Variants in NBEA observed in about 807,000 individuals in gnomAD.
NBEA encodes the protein neurobeachin.
NBEA carries 44 observed loss-of-function variants against 343.4 expected under a neutral mutation model. The observed-to-expected ratio is 0.13, with a 90% CI of 0.10 to 0.16. NBEA has a LOEUF of 0.16. Among genes scored for constraint, NBEA ranks in the 10% least tolerant of loss-of-function variants. The pLI, the probability that NBEA is intolerant of heterozygous loss-of-function variation, is 1.00. For missense variants in NBEA, 2,555 were observed against 3,631.3 expected (o/e 0.70, Z 7.62); for synonymous variants, 1,175 against 1,238.7 (o/e 0.95, Z 1.08).
At chr13:35,195,694 G>A (rs545741547) in intron 30 of NBEA, among the ~76,000 whole-genome samples, 170 bp from the exon 31 acceptor site, 116 of 152,238 alleles carry the variant, frequency 7.6e-4, no homozygotes, top group Non-Finnish European at 1.4e-3. Context: ...ATCATGTCTG[G>A]CTGGATGATA....
At chr13:35,665,745 C>T (rs568474165) in intron 56 of NBEA, among the ~76,000 whole-genome samples, 2 of 152,208 alleles carry the variant, frequency 1.3e-5, no homozygotes, top group African/African-American at 4.8e-5. Flanking sequence ...TCCTGCCTCA[C>T]CCTCCCTAGT....
chr13:35,175,095 A>G (rs1034951215), intron 27 of NBEA, among the ~76,000 whole-genome samples: 2 of 152,054 alleles, frequency 1.3e-5, no homozygotes, highest in Non-Finnish European at 2.9e-5. Flanking sequence ...CGGCCACTTC[A>G]GAGTATTTAT....
chr13:35,089,773 A>G (rs2064978106), intron 10 of NBEA, among the ~76,000 whole-genome samples: 1 of 149,768 alleles, frequency 6.7e-6, no homozygotes, highest in Non-Finnish European at 1.5e-5. Flanking sequence ...ACATGGATGA[A>G]ATTGGAGATC....
At chr13:35,179,531 TA>T (rs948824540) in intron 28 of NBEA, among the ~76,000 whole-genome samples, 19 of 148,530 alleles carry the variant, frequency 1.3e-4, no homozygotes, top group African/African-American at 3.9e-4. Context: ...AGATCTGGGT[TA>T]AAAAAAAATA....
intron 44 of NBEA, among the ~76,000 whole-genome samples, chr13:35,561,724 A>G (rs2079866118): frequency 6.6e-6 from 1 of 152,140 alleles, no homozygotes; most frequent in South Asian, 2.1e-4. Context: ...CAGACTTTTT[A>G]CACCCTCCTG....
At chr13:35,014,555 C>T (rs1461970615) in intron 1 of NBEA, among the ~76,000 whole-genome samples, 1 of 152,182 alleles carries the variant, frequency 6.6e-6, no homozygotes, top group East Asian at 1.9e-4. Context: ...ATGTACCTAG[C>T]TCACTAAACT....
chr13:35,179,566 G>A (rs1175103388), intron 28 of NBEA, among the ~76,000 whole-genome samples: 1 of 151,110 alleles, frequency 6.6e-6, no homozygotes, highest in Non-Finnish European at 1.5e-5. Flanking sequence ...AAAAAAAAAA[G>A]CTAACTCTTT....
intron 38 of NBEA, among the ~76,000 whole-genome samples, chr13:35,360,492 A>G (rs1422961525): frequency 6.6e-6 from 1 of 152,056 alleles, no homozygotes; most frequent in Non-Finnish European, 1.5e-5. Context: ...TATACAAAGG[A>G]AAATCTCACC....
At chr13:35,590,530 T>C (rs931000732) in intron 46 of NBEA, among the ~76,000 whole-genome samples, 9 of 152,136 alleles carry the variant, frequency 5.9e-5, no homozygotes, top group African/African-American at 2.2e-4. Flanking sequence ...ACTAAGCCCA[T>C]CTGTGCTATT....
chr13:35,594,972 CACACACACACACACACACAA>C (rs2081711667), intron 47 of NBEA, among the ~76,000 whole-genome samples: 1 of 151,104 alleles, frequency 6.6e-6, no homozygotes, highest in Admixed American at 6.6e-5. Flanking sequence ...CACACACACA[CACACACACACACACACACAA>C]ATTGGCTTTT....
intron 30 of NBEA, among the ~76,000 whole-genome samples, chr13:35,184,639 G>A (rs1421766058): frequency 6.6e-6 from 1 of 152,064 alleles, no homozygotes; most frequent in East Asian, 1.9e-4. Context: ...AACAGAAATG[G>A]CAGAACTATC....
At chr13:35,079,225 TG>T (rs1172630614) in intron 10 of NBEA, among the ~76,000 whole-genome samples, 2 of 152,106 alleles carry the variant, frequency 1.3e-5, no homozygotes, top group Non-Finnish European at 2.9e-5. Context: ...AAATCAGGTG[TG>T]GGGGAAAAAA....
chr13:35,365,471 G>T (rs1345394243), intron 38 of NBEA, among the ~76,000 whole-genome samples: 2 of 151,662 alleles, frequency 1.3e-5, no homozygotes, highest in East Asian at 3.9e-4. Flanking sequence ...CAGTCTCTTA[G>T]TCTATAACTT....
chr13:35,271,261 G>C (rs1022466628), intron 34 of NBEA, among the ~76,000 whole-genome samples: 1 of 152,174 alleles, frequency 6.6e-6, no homozygotes, highest in Admixed American at 6.5e-5. Context: ...TGCAGCTGAG[G>C]GACCTGACTG....
chr13:35,581,165 T>C (rs921813917), intron 45 of NBEA, among the ~76,000 whole-genome samples: 2 of 152,164 alleles, frequency 1.3e-5, no homozygotes, highest in Non-Finnish European at 2.9e-5. Flanking sequence ...TCAAATGGTA[T>C]TTCCAGTTCT....
chr13:34,948,377 G>A (rs2059251993), intron 1 of NBEA, among the ~76,000 whole-genome samples: 2 of 152,106 alleles, frequency 1.3e-5, no homozygotes, highest in African/African-American at 4.8e-5. Flanking sequence ...TTTCTGATGG[G>A]GATGCTGAAT....
chr13:35,108,738 T>C (rs2066040758), intron 11 of NBEA, among the ~76,000 whole-genome samples: 1 of 152,014 alleles, frequency 6.6e-6, no homozygotes, highest in Admixed American at 6.6e-5. Context: ...ATACCATTGG[T>C]AATAGGTACA....
chr13:34,955,559 C>G (rs2059464700), intron 1 of NBEA, among the ~76,000 whole-genome samples: 1 of 151,984 alleles, frequency 6.6e-6, no homozygotes, highest in Non-Finnish European at 1.5e-5. Flanking sequence ...ATTAAAAGAG[C>G]AGGAAAAGAA....
At chr13:34,989,690 G>A (rs1256178383) in intron 1 of NBEA, among the ~76,000 whole-genome samples, 1 of 150,672 alleles carries the variant, frequency 6.6e-6, no homozygotes, top group Non-Finnish European at 1.5e-5. Context: ...TCATGTCCTT[G>A]TCACCTTTCA....
Sources: gnomAD v4.1 joint callset for allele counts (sites outside exome capture counted in the v4.1 genomes callset) on GRCh38, gnomAD v4.1.1 for gene constraint, MANE v1.5 for transcripts, NCBI Gene and HGNC (gene_info 2026-07-23, HGNC 2026-07-21) for gene names.